DAB1: variants seen among roughly 807,000 people sequenced by gnomAD.
DAB1 encodes the protein DAB adaptor protein 1.
In DAB1, 15 loss-of-function variants were observed where a neutral mutation model predicts 64.6. That is an observed-to-expected ratio of 0.23 (90% confidence interval 0.16 to 0.36). The LOEUF (loss-of-function observed/expected upper bound fraction) is 0.36. Ranked by LOEUF, DAB1 falls within the 10% of genes least tolerant of loss-of-function variation. The pLI, the probability that DAB1 is intolerant of heterozygous loss-of-function variation, is 1.00. For missense variants in DAB1, 596 were observed against 706.7 expected (o/e 0.84, Z 1.78); for synonymous variants, 235 against 251.9 (o/e 0.93, Z 0.64).
At chr1:58,274,198 T>C (rs1661373191) in intron 4 of DAB1, among the ~76,000 whole-genome samples, 1 of 143,640 alleles carries the variant, frequency 7.0e-6, no homozygotes, top group Admixed American at 6.9e-5. Flanking sequence ...GGTGTGGATG[T>C]CCTTTCTGTT....
chr1:57,144,229 A>G (rs184516342), intron 3 of DAB1, among the ~76,000 whole-genome samples: 1 of 152,120 alleles, frequency 6.6e-6, no homozygotes, highest in African/African-American at 2.4e-5. Context: ...TAAATAATAT[A>G]TGTTTGAAAT....
chr1:58,290,977 A>T (rs945079500), intron 4 of DAB1, among the ~76,000 whole-genome samples: 1 of 152,164 alleles, frequency 6.6e-6, no homozygotes, highest in Non-Finnish European at 1.5e-5. Context: ...ACAAAGACAG[A>T]AGGGCATAAA....
At chr1:58,456,981 A>G (rs1645198251) in intron 3 of DAB1, among the ~76,000 whole-genome samples, 1 of 152,196 alleles carries the variant, frequency 6.6e-6, no homozygotes. Context: ...AGAAAGACTA[A>G]GAAACCGCTC....
chr1:57,886,582 T>C (rs1201146370), upstream of DAB1, among the ~76,000 whole-genome samples: 1 of 152,228 alleles, frequency 6.6e-6, no homozygotes, highest in Admixed American at 6.5e-5. Flanking sequence ...ATATCTCATT[T>C]AACACTCTCT....
At chr1:58,471,535 T>C (rs1017146879) in intron 3 of DAB1, among the ~76,000 whole-genome samples, 5 of 152,192 alleles carry the variant, frequency 3.3e-5, no homozygotes, top group Non-Finnish European at 7.3e-5. Flanking sequence ...AAGTGGCTAT[T>C]GGCTGGTGAT....
chr1:57,328,574 C>T (rs944197206), intron 1 of DAB1, among the ~76,000 whole-genome samples: 12 of 152,166 alleles, frequency 7.9e-5, no homozygotes, highest in African/African-American at 9.7e-5. Flanking sequence ...TTGCCTTGGT[C>T]ACATTTACTT....
intron 2 of DAB1, among the ~76,000 whole-genome samples, chr1:57,230,591 G>A (rs569180588): frequency 3.3e-5 from 5 of 152,068 alleles, no homozygotes; most frequent in South Asian, 2.1e-4. Context: ...GACAAACCAC[G>A]GTTCATGTCA....
intron 2 of DAB1, among the ~76,000 whole-genome samples, chr1:57,229,113 A>T (rs1354557773): frequency 6.6e-6 from 1 of 152,100 alleles, no homozygotes; most frequent in Non-Finnish European, 1.5e-5. Flanking sequence ...TAAACACAAA[A>T]CTCAAAATAC....
chr1:57,948,163 G>A (rs1232616777), intron 5 of DAB1, among the ~76,000 whole-genome samples: 1 of 152,144 alleles, frequency 6.6e-6, no homozygotes, highest in Non-Finnish European at 1.5e-5. Flanking sequence ...TACTTCTTCA[G>A]TAGTAGACTG....
At chr1:57,454,154 T>C (rs1686493869) in intron 7 of DAB1, among the ~76,000 whole-genome samples, 1 of 152,184 alleles carries the variant, frequency 6.6e-6, no homozygotes, top group African/African-American at 2.4e-5. Context: ...TTATAGTGAA[T>C]GCGGTTCCTG....
At chr1:58,124,091 T>C (rs1364759285) in intron 5 of DAB1, among the ~76,000 whole-genome samples, 1 of 152,110 alleles carries the variant, frequency 6.6e-6, no homozygotes, top group African/African-American at 2.4e-5. Context: ...AATGTTTGAG[T>C]ATGTGTGCGT....
chr1:57,924,243 G>A lies in DAB1; in HGVS notation n.388-40081C>T, dbSNP rs559699826. Reference sequence around the variant, plus strand: ...CATGCACCTCAAGGAGCTGACTATCGGATGGAAGAGACAAACAACTTGAAA... The same window carrying A: ...CATGCACCTCAAGGAGCTGACTATCAGATGGAAGAGACAAACAACTTGAAA... On this transcript the variant is annotated intron_variant and non_coding_transcript_variant, in intron 5 of 20. Transcript: ENST00000485760. 5.9e-5 allele frequency among the ~76,000 whole-genome samples: 9 copies of A among 152,124 alleles called. No individual in the cohort carries two copies. The East Asian group carries it at 1.3e-3, about 23-fold the overall frequency.
intron 6 of DAB1, among the ~76,000 whole-genome samples, chr1:57,753,860 C>T (rs1292910373): frequency 1.3e-5 from 2 of 152,172 alleles, no homozygotes; most frequent in Non-Finnish European, 2.9e-5. Flanking sequence ...GTTAGAAGTG[C>T]AACTTTTTTT....
At chr1:57,015,976 T>C (rs1490697090) in intron 11 of DAB1, among the ~76,000 whole-genome samples, 1 of 152,220 alleles carries the variant, frequency 6.6e-6, no homozygotes, top group Non-Finnish European at 1.5e-5. Flanking sequence ...TTCTTATCTA[T>C]GTAATTTGGG....
chr1:57,701,212 C>A (rs182983222), intron 6 of DAB1, among the ~76,000 whole-genome samples: 3 of 151,922 alleles, frequency 2.0e-5, no homozygotes, highest in East Asian at 1.9e-4. Flanking sequence ...GGGTATATAC[C>A]CAAAGGATTA....
intron 7 of DAB1, among the ~76,000 whole-genome samples, chr1:57,583,328 C>T (rs1411045127): frequency 6.6e-6 from 1 of 150,586 alleles, no homozygotes; most frequent in Non-Finnish European, 1.5e-5. Context: ...GCCCTGTAGC[C>T]CAGGCTGGAG....
chr1:58,416,146 T>C (rs1054551476), intron 3 of DAB1, among the ~76,000 whole-genome samples: 6 of 152,104 alleles, frequency 3.9e-5, no homozygotes, highest in African/African-American at 9.7e-5. Flanking sequence ...AGACAAGCAG[T>C]GTGTCCCAGC....
intron 3 of DAB1, among the ~76,000 whole-genome samples, chr1:58,489,114 G>A (rs757531811): frequency 6.0e-4 from 92 of 152,292 alleles, no homozygotes; most frequent in Non-Finnish European, 9.7e-4. Flanking sequence ...TCGGTGCAGC[G>A]CACCGAGCGT....
chr1:57,907,764 T>C (rs1396447376), intron 5 of DAB1, among the ~76,000 whole-genome samples: 2 of 152,030 alleles, frequency 1.3e-5, no homozygotes, highest in Non-Finnish European at 2.9e-5. Context: ...AAGTCACGCG[T>C]TGCTTAACGA....
Sources: allele counts gnomAD v4.1 joint callset (sites outside exome capture counted in the v4.1 genomes callset), GRCh38; gene constraint gnomAD v4.1.1; transcripts MANE v1.5; gene names NCBI Gene and HGNC (gene_info 2026-07-23, HGNC 2026-07-21).